The following SEMA4D variants were observed in gnomAD, a reference collection of about 807,000 sequenced individuals.
The protein encoded by SEMA4D is semaphorin 4D.
In SEMA4D, 22 loss-of-function variants were observed where a neutral mutation model predicts 74.8. The ratio of observed to expected loss-of-function variants is 0.29; its 90% CI spans 0.21 to 0.42. The LOEUF is 0.42. SEMA4D is among the 10% of genes least tolerant of loss of function. The pLI is 1.00. For missense variants in SEMA4D, 937 were observed against 1,118.4 expected (o/e 0.84, Z 2.31); for synonymous variants, 445 against 463.7 (o/e 0.96, Z 0.52).
chr9:89,389,348 AACCG>A (rs1423187901), intron 9 of SEMA4D, among the ~76,000 whole-genome samples: 1 of 152,210 alleles, frequency 6.6e-6, no homozygotes, highest in Non-Finnish European at 1.5e-5. Context: ...TCAGTCCTGC[AACCG>A]CAGAGGTGCT....
At chr9:89,383,857 C>CT (rs749532512) in intron 13 of SEMA4D, among the ~76,000 whole-genome samples, 26 of 152,222 alleles carry the variant, frequency 1.7e-4, no homozygotes, top group Non-Finnish European at 3.5e-4. Flanking sequence ...CTGTGCACTC[C>CT]TGCCCCTCGA....
chr9:89,362,757 C>T (rs1832890300), intron 18 of SEMA4D, among the ~76,000 whole-genome samples: 1 of 152,250 alleles, frequency 6.6e-6, no homozygotes, highest in African/African-American at 2.4e-5. Context: ...GGGTGTACTG[C>T]TGGCAGCCAC....
At chr9:89,448,151 T>TTTA (rs1264594481) in intron 2 of SEMA4D, among the ~76,000 whole-genome samples, 1 of 152,138 alleles carries the variant, frequency 6.6e-6, no homozygotes, top group Non-Finnish European at 1.5e-5. Flanking sequence ...ATTTTCTATA[T>TTTA]TTTTATAGAG....
At chr9:89,386,337 C>A in intron 13 of SEMA4D, 30 bp downstream of exon 13, 1 of 1,523,812 alleles carries the variant, frequency 6.6e-7, no homozygotes. Context: ...AGCGGAGAAG[C>A]CCCCGGTCCA....
At chr9:89,403,964 T>C (rs1842723072) in intron 3 of SEMA4D, among the ~76,000 whole-genome samples, 1 of 152,158 alleles carries the variant, frequency 6.6e-6, no homozygotes, top group African/African-American at 2.4e-5. Context: ...GTTCATACTT[T>C]CTGTTCTAAT....
intron 1 of SEMA4D, among the ~76,000 whole-genome samples, chr9:89,464,206 A>G (rs1237804682): frequency 6.6e-6 from 1 of 152,194 alleles, no homozygotes; most frequent in Non-Finnish European, 1.5e-5. Context: ...TCAGGGACCA[A>G]GGACACTTTG....
chr9:89,393,503 T>G, intron 7 of SEMA4D, 59 bp downstream of exon 7: 1 of 1,357,868 alleles, frequency 7.4e-7, no homozygotes, highest in Non-Finnish European at 1.1e-6. Flanking sequence ...ATATCCTGTT[T>G]GGTAATTAAC....
intron 16 of SEMA4D, among the ~76,000 whole-genome samples, chr9:89,369,737 C>G (rs1433496431): frequency 6.6e-6 from 1 of 152,268 alleles, no homozygotes. Context: ...CAGAGCTCGG[C>G]TGCATGCTAA....
intron 5 of SEMA4D, among the ~76,000 whole-genome samples, 195 bp from the exon 6 acceptor site, chr9:89,397,030 C>A (rs1841121191): frequency 6.6e-6 from 1 of 152,250 alleles, no homozygotes; most frequent in African/African-American, 2.4e-5. Flanking sequence ...AACTCCTCTT[C>A]ACACACTGGC....
At chr9:89,370,708 C>T (rs373563552) in intron 16 of SEMA4D, among the ~76,000 whole-genome samples, 1 of 134,552 alleles carries the variant, frequency 7.4e-6, no homozygotes, top group Non-Finnish European at 1.6e-5. Context: ...ATGTGGCTAG[C>T]ATAGTCTATG....
rs773216041 is a variant in SEMA4D at position 89,445,884 on chromosome 9, T to G, written c.-244+10004A>C. On this transcript the variant is annotated intron_variant, in intron 2 of 15. Transcript: ENST00000422704. ...CCTACCCATGCTCCCAGCCTCTGCG[T>G]CCACCTCAGAGGTCTCTGCAGGCTC... 1.1e-3 allele frequency among the ~76,000 whole-genome samples: 164 copies of G among 152,164 alleles called. 1 individual carries two copies. Among genetic ancestry groups the G allele is most frequent in the Non-Finnish European group, 1.5e-3 (100 of 67,990 alleles).
chr9:89,470,260 A>C (rs1366668802), intron 1 of SEMA4D, among the ~76,000 whole-genome samples: 1 of 152,244 alleles, frequency 6.6e-6, no homozygotes, highest in East Asian at 1.9e-4. Context: ...TGTATTTAGA[A>C]TATATAAAGA....
At chr9:89,460,462 ATT>A (rs1435125136) in intron 1 of SEMA4D, among the ~76,000 whole-genome samples, 1 of 152,190 alleles carries the variant, frequency 6.6e-6, no homozygotes, top group Non-Finnish European at 1.5e-5. Context: ...CTAAGTCTGG[ATT>A]TGTTTTATAT....
At chr9:89,478,999 A>G (rs1194232844) in intron 1 of SEMA4D, among the ~76,000 whole-genome samples, 2 of 152,220 alleles carry the variant, frequency 1.3e-5, no homozygotes, top group Non-Finnish European at 2.9e-5. Flanking sequence ...ACCAAGGGCT[A>G]CAGCTACAGT....
chr9:89,456,009 T>C (rs748441918), intron 1 of SEMA4D, 56 bp from the exon 2 acceptor site: 5 of 152,212 alleles, frequency 3.3e-5, no homozygotes, highest in Non-Finnish European at 7.3e-5. Context: ...CAGATTCCCT[T>C]ACAATATACA....
intron 4 of SEMA4D, among the ~76,000 whole-genome samples, chr9:89,402,126 T>A (rs1006772344): frequency 7.9e-5 from 12 of 152,158 alleles, no homozygotes; most frequent in African/African-American, 2.9e-4. Context: ...GGCAAGAGGA[T>A]CACTTGAGCC....
chr9:89,379,497 G>A lies in SEMA4D; in HGVS notation c.1796C>T (p.Pro599Leu). 1 of 1,614,154 alleles carries A rather than the reference G, an allele frequency of 6.2e-7. No homozygotes were observed. Among genetic ancestry groups the A allele is most frequent in the Non-Finnish European group, 8.5e-7 (1 of 1,180,024 alleles). ...FQNGVLKAESPKYGLMGRKNL... is the reference protein window; with the variant it reads ...FQNGVLKAESLKYGLMGRKNL... ...TTTTCTGCCCATAAGACCGTACTTGGGGCTCTCGGCCTTCAACACGCCATT... is the reference window on the plus strand; with the variant it reads ...TTTTCTGCCCATAAGACCGTACTTGAGGCTCTCGGCCTTCAACACGCCATT... The change falls in exon 16 of 16, where the codon CCC becomes CTC. Residue 599 changes from proline to leucine, a missense_variant. Transcript: ENST00000422704.
chr9:89,369,941 G>GTGGTGTGTATGTGCTT (rs1834283352), intron 16 of SEMA4D, among the ~76,000 whole-genome samples: 1 of 151,904 alleles, frequency 6.6e-6, no homozygotes, highest in African/African-American at 2.4e-5. Context: ...ATGTGTCTAT[G>GTGGTGTGTATGTGCTT]TGGTGTGTAT....
At chr9:89,446,707 C>T (rs538456753) in intron 2 of SEMA4D, among the ~76,000 whole-genome samples, 1 of 152,282 alleles carries the variant, frequency 6.6e-6, no homozygotes, top group East Asian at 1.9e-4. Flanking sequence ...GGTGGCCACA[C>T]CTTCTAAAAC....
Sources: gnomAD v4.1 joint callset for allele counts (sites outside exome capture counted in the v4.1 genomes callset) on GRCh38, gnomAD v4.1.1 for gene constraint, MANE v1.5 for transcripts, NCBI Gene and HGNC (gene_info 2026-07-23, HGNC 2026-07-21) for gene names.